Variants in NSG1 observed in about 807,000 individuals in gnomAD.
The protein encoded by NSG1 is neuronal vesicle trafficking associated 1, also known as neuronal vesicle trafficking-associated protein 1.
NSG1 carries 9 observed loss-of-function variants against 19.3 expected under a neutral mutation model. The observed-to-expected ratio is 0.47, with a 90% CI of 0.28 to 0.81. The LOEUF (loss-of-function observed/expected upper bound fraction) is 0.81, where lower values mean the gene tolerates loss of function less well. Ranked by LOEUF, NSG1 falls within the 40% of genes least tolerant of loss-of-function variation. NSG1 has a pLI of 0.11. For missense variants in NSG1, 236 were observed against 242.4 expected (o/e 0.97, Z 0.18); for synonymous variants, 104 against 107.0 (o/e 0.97, Z 0.17).
In NSG1 at chr4:4,387,611, C is replaced by A; in HGVS notation, c.-19C>A. ...CCGGCCCTCCCGCCGCAGGCTGCAG[C>A]CTCGGAGCTCCCGGAACGATGGTGA... On this transcript the variant is annotated 5_prime_UTR_variant, in exon 2 of 5. Transcript: ENST00000621129. 1 of 1,607,478 alleles carries A rather than the reference C, an allele frequency of 6.2e-7. No homozygotes were observed. Among genetic ancestry groups the A allele is most frequent in the East Asian group, 2.3e-5 (1 of 44,274 alleles).
chr4:4,408,252 A>G (rs1445984186), intron 3 of NSG1, among the ~76,000 whole-genome samples: 1 of 152,050 alleles, frequency 6.6e-6, no homozygotes, highest in East Asian at 1.9e-4. Context: ...TAGGGTCTGT[A>G]TGTGGCCAGG....
At chr4:4,390,563 A>C (rs1381814810) in intron 2 of NSG1, among the ~76,000 whole-genome samples, 1 of 152,050 alleles carries the variant, frequency 6.6e-6, no homozygotes, top group Non-Finnish European at 1.5e-5. Context: ...CCCTCGGGGG[A>C]GAAAGAGCTT....
chr4:4,408,334 TTCATACGA>T (rs1723978600), intron 3 of NSG1, among the ~76,000 whole-genome samples: 1 of 152,178 alleles, frequency 6.6e-6, no homozygotes, highest in Non-Finnish European at 1.5e-5. Flanking sequence ...TCTGTGCATG[TTCATACGA>T]TTACGGAGGC....
chr4:4,417,803 A>C lies in NSG1; in HGVS notation c.*368A>C. ...TTTCTGAACCGACCCTGCTGTCTGC[A>C]AACCTTCCTCCATAGCCATATCTAG... On this transcript the variant is annotated 3_prime_UTR_variant, in exon 5 of 5. Coordinates refer to ENST00000621129, the MANE Select transcript of NSG1 (RefSeq NM_014392.5). 3.0e-6 allele frequency: 1 copy of C among 335,782 alleles called. No homozygotes were observed. The highest frequency in any genetic ancestry group is 5.7e-6 in the Non-Finnish European group (1 of 175,528). The allele number at this position is 335,782 out of a possible 1,614,324, so 20.8% of individuals were successfully genotyped here.
At chr4:4,403,028 G>A (rs1414002897) in intron 3 of NSG1, among the ~76,000 whole-genome samples, 3 of 152,210 alleles carry the variant, frequency 2.0e-5, no homozygotes, top group Admixed American at 6.5e-5. Flanking sequence ...ATTCTGGGTC[G>A]GCTCCAGGTG....
intron 3 of NSG1, 60 bp from the exon 4 acceptor site, chr4:4,409,513 G>A: frequency 8.1e-7 from 1 of 1,232,936 alleles, no homozygotes; most frequent in African/African-American, 1.5e-5. Flanking sequence ...GTGTGCGGGT[G>A]TGTGTGTGTC....
intron 4 of NSG1, among the ~76,000 whole-genome samples, chr4:4,410,569 C>G (rs772629826): frequency 6.6e-6 from 1 of 152,072 alleles, no homozygotes; most frequent in Non-Finnish European, 1.5e-5. Flanking sequence ...AGTTGTCACA[C>G]GATGGTAAGT....
chr4:4,397,537 G>A (rs1300774029), intron 3 of NSG1, among the ~76,000 whole-genome samples: 1 of 152,214 alleles, frequency 6.6e-6, no homozygotes, highest in Non-Finnish European at 1.5e-5. Flanking sequence ...AGGGCAGACG[G>A]GAGCACAGCC....
chr4:4,418,046 C>G lies in NSG1; in HGVS notation c.*611C>G, dbSNP rs1228030738. 1 of 155,674 alleles carries G rather than the reference C, an allele frequency of 6.4e-6. No homozygotes were observed. Among genetic ancestry groups the G allele is most frequent in the Non-Finnish European group, 1.4e-5 (1 of 70,498 alleles). 9.6% of individuals were successfully genotyped at this position (155,674 alleles called of 1,614,324 possible). A position where few individuals can be genotyped will look rare whatever the true frequency, so the allele number is the denominator to read the frequency against. ...TCGGTGTGGATTGACTACTCCCTCC[C>G]CTCTGACTCTGGCATCTTGGTAAGG... On this transcript the variant is annotated 3_prime_UTR_variant, in exon 5 of 5. Transcript: ENST00000621129.
chr4:4,395,812 C>G (rs956207749), intron 3 of NSG1, among the ~76,000 whole-genome samples: 1 of 152,214 alleles, frequency 6.6e-6, no homozygotes, highest in Non-Finnish European at 1.5e-5. Context: ...CTTGAAGTGA[C>G]AGGTAAATCG....
intron 3 of NSG1, among the ~76,000 whole-genome samples, chr4:4,406,356 A>G (rs1479026068): frequency 2.0e-5 from 3 of 152,184 alleles, no homozygotes; most frequent in Non-Finnish European, 4.4e-5. Flanking sequence ...GGACATCTGC[A>G]CCTGTGGTGG....
At chr4:4,410,037 GGA>G (rs1560146904) in intron 4 of NSG1, among the ~76,000 whole-genome samples, 1 of 152,222 alleles carries the variant, frequency 6.6e-6, no homozygotes, top group Admixed American at 6.5e-5. Flanking sequence ...GGGGAGGGAG[GGA>G]GAGAGACGGG....
At position 4,387,706 on chromosome 4, in the gene NSG1, C is replaced by A. The variant is rs776424672; in HGVS notation, c.77C>A (p.Pro26His). ...CTGGAGGATGGCTTCGACACCATTC[C>A]CCTGATGACGCCCCTCGATGTCAAT... The part of the protein sequence containing the change: ...PLLEDGFDTI[P>H]LMTPLDVNQL... The change falls in exon 2 of 5, where the codon CCC becomes CAC. Residue 26 changes from proline (P) to histidine (H), a missense_variant. Pro to His is a moderately conservative substitution (Grantham distance 77). Coordinates refer to ENST00000621129, the MANE Select transcript of NSG1 (RefSeq NM_014392.5). 19 of 1,613,380 alleles carry A rather than the reference C, an allele frequency of 1.2e-5. No individual in the cohort carries two copies. Among genetic ancestry groups the A allele is most frequent in the East Asian group, 2.2e-5 (1 of 44,850 alleles).
intron 3 of NSG1, among the ~76,000 whole-genome samples, chr4:4,406,306 C>T (rs1296640996): frequency 6.6e-6 from 1 of 152,196 alleles, no homozygotes; most frequent in Non-Finnish European, 1.5e-5. Flanking sequence ...GGATTACAGG[C>T]GTGAGCCACC....
intron 2 of NSG1, among the ~76,000 whole-genome samples, chr4:4,390,321 A>C (rs1003318600): frequency 6.6e-6 from 1 of 152,192 alleles, no homozygotes; most frequent in African/African-American, 2.4e-5. Context: ...TCAGAGGCCA[A>C]GAGTGTGGTT....
At chr4:4,390,470 C>T (rs1722934417) in intron 2 of NSG1, among the ~76,000 whole-genome samples, 1 of 152,238 alleles carries the variant, frequency 6.6e-6, no homozygotes, top group Non-Finnish European at 1.5e-5. Flanking sequence ...TGACCATCCC[C>T]AGTTGCTGGG....
At chr4:4,388,092 G>A (rs917112348) in intron 2 of NSG1, among the ~76,000 whole-genome samples, 1 of 152,248 alleles carries the variant, frequency 6.6e-6, no homozygotes, top group Non-Finnish European at 1.5e-5. Flanking sequence ...TGGCCCCAGG[G>A]GCTCTGGATC....
intron 3 of NSG1, among the ~76,000 whole-genome samples, chr4:4,408,867 C>T (rs1724011599): frequency 6.6e-6 from 1 of 152,214 alleles, no homozygotes; most frequent in African/African-American, 2.4e-5. Context: ...GCCCCGTGCC[C>T]TCCAGCCGGG....
At chr4:4,386,866 C>A (rs542344910), upstream of NSG1, 1 of 152,124 alleles carries the variant, frequency 6.6e-6, no homozygotes, top group South Asian at 2.1e-4. Flanking sequence ...TGTTCCCTCC[C>A]CCGGCTCAGG....
Sources: allele counts gnomAD v4.1 joint callset (sites outside exome capture counted in the v4.1 genomes callset), GRCh38; gene constraint gnomAD v4.1.1; transcripts MANE v1.5; gene names NCBI Gene and HGNC (gene_info 2026-07-23, HGNC 2026-07-21).